RIF1: variants seen among roughly 807,000 people sequenced by gnomAD.
The protein encoded by RIF1 is telomere-associated protein RIF1.
RIF1 carries 45 observed loss-of-function variants against 247.1 expected under a neutral mutation model. The ratio of observed to expected loss-of-function variants is 0.18; its 90% CI spans 0.14 to 0.23. The LOEUF (loss-of-function observed/expected upper bound fraction) is 0.23, where lower values mean the gene tolerates loss of function less well. Ranked by LOEUF, RIF1 falls within the 10% of genes least tolerant of loss-of-function variation. The pLI is 1.00. For missense variants in RIF1, 2,967 were observed against 2,862.5 expected (o/e 1.04, Z -0.83); for synonymous variants, 1,087 against 978.8 (o/e 1.11, Z -2.06).
intron 11 of RIF1, among the ~76,000 whole-genome samples, chr2:151,502,565 A>G (rs1236726975): frequency 1.3e-5 from 2 of 152,124 alleles, no homozygotes; most frequent in Non-Finnish European, 2.9e-5. Flanking sequence ...GGAAGAAAAC[A>G]GAGTATTACA....
chr2:151,519,780 T>C, the RIF1 span: 10 of 1,519,426 alleles, frequency 6.6e-6, no homozygotes, highest in Non-Finnish European at 8.2e-6. Flanking sequence ...TAACAGCAAA[T>C]GCAAACATCC....
chr2:151,490,250 T>C, intron 9 of RIF1: 2 of 1,310,772 alleles, frequency 1.5e-6, no homozygotes, highest in Non-Finnish European at 2.1e-6. Flanking sequence ...TTCTAGTCTT[T>C]TCTCATTAAA....
At chr2:151,499,441 C>G (rs1283987282) in exon 11 of RIF1, 1 of 976,386 alleles carries the variant, frequency 1.0e-6, no homozygotes, top group South Asian at 1.4e-5. Flanking sequence ...TCAAAACAGC[C>G]CTTTCATCTA....
chr2:151,531,218 G>C, the RIF1 span: 3 of 681,844 alleles, frequency 4.4e-6, no homozygotes, highest in Middle Eastern at 7.8e-4. Context: ...CTATGAATTT[G>C]ACAGGTGCTT....
At chr2:151,467,127 G>GCT (rs967424855) in intron 30 of RIF1, among the ~76,000 whole-genome samples, 1 of 152,178 alleles carries the variant, frequency 6.6e-6, no homozygotes, top group Admixed American at 6.5e-5. Context: ...TACTCAGGAG[G>GCT]CTGAGGCAGG....
intron 10 of RIF1, chr2:151,496,184 T>G: frequency 7.4e-7 from 1 of 1,348,036 alleles, no homozygotes; most frequent in Non-Finnish European, 1.0e-6. Context: ...ATTTAAGTTG[T>G]CTTTAAAAAG....
At chr2:151,426,600 A>G (rs1188956836) in intron 8 of RIF1, among the ~76,000 whole-genome samples, 12 of 151,706 alleles carry the variant, frequency 7.9e-5, no homozygotes, top group Admixed American at 7.9e-4. Flanking sequence ...AGTAGTTAGC[A>G]TTTCATTGAT....
the RIF1 span, chr2:151,525,379 G>C: frequency 1.2e-6 from 1 of 823,946 alleles, no homozygotes; most frequent in South Asian, 1.5e-5. Context: ...CCCCATTTTG[G>C]CGTCAGTCTG....
intron 34 of RIF1, among the ~76,000 whole-genome samples, chr2:151,472,077 G>A (rs1178748778): frequency 6.6e-6 from 1 of 152,042 alleles, no homozygotes; most frequent in African/African-American, 2.4e-5. Context: ...CCTTGAAGAG[G>A]TCCTTCACGT....
chr2:151,501,269 T>A (rs921236448), intron 11 of RIF1: 3 of 623,650 alleles, frequency 4.8e-6, no homozygotes, highest in Non-Finnish European at 8.4e-6. Context: ...AAGGATTCAG[T>A]TGATGTGATT....
chr2:151,512,068 C>T (rs2074914751), downstream of RIF1, among the ~76,000 whole-genome samples: 1 of 124,498 alleles, frequency 8.0e-6, no homozygotes. Context: ...TCTTGCTGTG[C>T]TGCCCAGGCT....
rs199781735 is a variant in RIF1 at position 151,457,749 on chromosome 2, C to T, written c.2653-12C>T. The T allele has an allele frequency of 8.8e-6, 14 of 1,599,132 alleles. No homozygotes were observed. Among genetic ancestry groups the T allele is most frequent in the African/African-American group, 5.4e-5 (4 of 74,394 alleles). On this transcript the variant is annotated splice_polypyrimidine_tract_variant and intron_variant, in intron 23 of 35. Coordinates refer to ENST00000444746, the MANE Select transcript of RIF1 (RefSeq NM_018151.5). ...AGTATATGTTTTGCTTTTATTTTTT[C>T]GTTTTTCCTAGTTAGAAAAGCTACT...
chr2:151,526,995 G>T, the RIF1 span: 1 of 1,601,520 alleles, frequency 6.2e-7, no homozygotes, highest in Middle Eastern at 1.7e-4. Flanking sequence ...CAACCCTTGA[G>T]GAACTCCCGG....
chr2:151,465,649 CA>C lies in RIF1; in HGVS notation c.6130del (p.Ile2044Ter). ...GHDGETENEG[I>X]TTKTSKPDEA... ...ATGATGGTGAAACAGAGAATGAGGG[CA>C]TAACTACCAAAACCTCAAAGCCTGA... On this transcript the variant is annotated frameshift_variant, in exon 30 of 36. Transcript: ENST00000444746. LOFTEE classifies it high-confidence loss of function. The C allele has an allele frequency of 6.2e-7, 1 of 1,614,038 alleles. No individual in the cohort carries two copies. Among genetic ancestry groups the C allele is most frequent in the Non-Finnish European group, 8.5e-7 (1 of 1,179,994 alleles).
chr2:151,492,003 TC>T, intron 9 of RIF1: 1 of 1,300,692 alleles, frequency 7.7e-7, no homozygotes, highest in Non-Finnish European at 1.1e-6. Flanking sequence ...CAGATTGAAG[TC>T]CTTTATGTTT....
chr2:151,457,720 A>G, intron 23 of RIF1, 41 bp from the exon 24 acceptor site: 1 of 1,412,904 alleles, frequency 7.1e-7, no homozygotes, highest in Non-Finnish European at 1.0e-6. Flanking sequence ...GTGAGTTAAT[A>G]TTTAGTATAT....
At chr2:151,435,664 A>C (rs76900101) in intron 11 of RIF1, 84 bp downstream of exon 11, 1 of 639,070 alleles carries the variant, frequency 1.6e-6, no homozygotes, top group Non-Finnish European at 2.7e-6. Flanking sequence ...GGAAAAAAAA[A>C]GGCTTTGAGA....
chr2:151,416,232 G>C (rs1429179775), intron 4 of RIF1, among the ~76,000 whole-genome samples: 1 of 152,196 alleles, frequency 6.6e-6, no homozygotes, highest in Admixed American at 6.5e-5. Flanking sequence ...AGCAGGAGTT[G>C]TTCATTTTGG....
In RIF1 at chr2:151,464,345, G is replaced by A. The variant is rs770800761; in HGVS notation, c.4825G>A (p.Glu1609Lys). The change falls in exon 30 of 36, where the codon GAA (glutamate) becomes AAA (lysine). Residue 1609 changes from glutamate to lysine, a missense_variant. Physicochemically the swap from Glu to Lys is moderately conservative, Grantham distance 56. Coordinates refer to ENST00000444746, the MANE Select transcript of RIF1 (RefSeq NM_018151.5). ...GTCACATGATTATAAAGCAACTTCTGAAGAAGATGTAAGCATAAAATCTCC... is the reference window on the plus strand; with the variant it reads ...GTCACATGATTATAAAGCAACTTCTAAAGAAGATGTAAGCATAAAATCTCC... Reference protein sequence around the residue: ...NQSHDYKATSEEDVSIKSPIC... With the variant: ...NQSHDYKATSKEDVSIKSPIC... The A allele has an allele frequency of 7.5e-6, 12 of 1,610,570 alleles. 1 individual carries two copies. The South Asian group carries it at 1.3e-4, about 18-fold the overall frequency.
Sources: gnomAD v4.1 joint callset for allele counts (sites outside exome capture counted in the v4.1 genomes callset) on GRCh38, gnomAD v4.1.1 for gene constraint, MANE v1.5 for transcripts, NCBI Gene and HGNC (gene_info 2026-07-23, HGNC 2026-07-21) for gene names.